FGF14: variants seen among roughly 807,000 people sequenced by gnomAD.
FGF14 encodes the protein fibroblast growth factor 14, also known as fibroblast growth factor homologous factor 4.
Under a neutral mutation model 25.5 loss-of-function variants are expected in FGF14, and 5 were observed. The observed-to-expected ratio is 0.20, with a 90% CI of 0.10 to 0.41. The LOEUF (loss-of-function observed/expected upper bound fraction) is 0.41, where lower values mean the gene tolerates loss of function less well. FGF14 is among the 10% of genes least tolerant of loss of function. The pLI, the probability that FGF14 is intolerant of heterozygous loss-of-function variation, is 1.00. For synonymous variants in FGF14, 138 were observed against 118.3 expected, an observed-to-expected ratio of 1.17 and a Z score of -1.08; for missense variants, 222 against 320.1, an observed-to-expected ratio of 0.69 and a Z score of 2.34.
intron 1 of FGF14, among the ~76,000 whole-genome samples, chr13:102,180,856 T>C (rs1475137496): frequency 1.3e-5 from 2 of 152,176 alleles, no homozygotes; most frequent in African/African-American, 2.4e-5. Context: ...TGGCAAACCT[T>C]GTTCACATTA....
chr13:101,820,185 T>C (rs1246647418), intron 3 of FGF14, among the ~76,000 whole-genome samples: 1 of 152,194 alleles, frequency 6.6e-6, no homozygotes, highest in Non-Finnish European at 1.5e-5. Context: ...GTTTCTGATG[T>C]TTGACAAAAC....
intron 2 of FGF14, among the ~76,000 whole-genome samples, chr13:101,871,896 C>G (rs2045112309): frequency 6.6e-6 from 1 of 152,032 alleles, no homozygotes; most frequent in South Asian, 2.1e-4. Flanking sequence ...CCATCATCCA[C>G]AATTTTTGTG....
intron 1 of FGF14, among the ~76,000 whole-genome samples, chr13:101,904,097 G>A (rs2031924789): frequency 6.6e-6 from 1 of 152,170 alleles, no homozygotes; most frequent in Non-Finnish European, 1.5e-5. Context: ...AAAGCTGAGA[G>A]GCATCTATCA....
chr13:102,162,499 C>T (rs1345979122), intron 1 of FGF14, among the ~76,000 whole-genome samples: 4 of 152,088 alleles, frequency 2.6e-5, no homozygotes, highest in African/African-American at 7.2e-5. Context: ...TCCAGGCTTA[C>T]AAATAGGCAC....
intron 1 of FGF14, among the ~76,000 whole-genome samples, chr13:101,989,435 T>C (rs1438120597): frequency 6.6e-6 from 1 of 152,130 alleles, no homozygotes; most frequent in African/African-American, 2.4e-5. Flanking sequence ...GTACATTTTG[T>C]TTCCTACATT....
chr13:102,204,316 C>G (rs1433606110), intron 1 of FGF14, among the ~76,000 whole-genome samples: 1 of 152,118 alleles, frequency 6.6e-6, no homozygotes, highest in African/African-American at 2.4e-5. Flanking sequence ...AACACACACA[C>G]ACACTCATAC....
intron 1 of FGF14, among the ~76,000 whole-genome samples, chr13:102,091,270 T>C (rs2044152588): frequency 6.6e-6 from 1 of 152,208 alleles, no homozygotes. Flanking sequence ...TGCTTTATGC[T>C]GCTGGGGCTG....
At chr13:102,115,024 G>A (rs1203293633) in intron 1 of FGF14, among the ~76,000 whole-genome samples, 3 of 152,160 alleles carry the variant, frequency 2.0e-5, no homozygotes, top group African/African-American at 7.2e-5. Flanking sequence ...TTAAAAGGCT[G>A]AATTGGACAG....
chr13:102,092,059 T>C (rs1049654861), intron 1 of FGF14, among the ~76,000 whole-genome samples: 4 of 152,186 alleles, frequency 2.6e-5, no homozygotes, highest in African/African-American at 9.7e-5. Context: ...GATGTGGGGA[T>C]GACACATTGG....
intron 1 of FGF14, among the ~76,000 whole-genome samples, chr13:102,157,929 ATCACT>A (rs1344652296): frequency 1.3e-5 from 2 of 152,252 alleles, no homozygotes; most frequent in Non-Finnish European, 2.9e-5. Flanking sequence ...AATGCTCATC[ATCACT>A]GGCCATCAGA....
intron 1 of FGF14, among the ~76,000 whole-genome samples, chr13:102,279,756 T>C (rs9585883): frequency 0.12 from 17,864 of 152,178 alleles, 1,454 homozygotes; most frequent in African/African-American, 0.22. Flanking sequence ...CAACACAGTC[T>C]AAAAGTCTAA....
intron 1 of FGF14, among the ~76,000 whole-genome samples, chr13:102,201,290 A>G (rs1430801692): frequency 2.6e-5 from 4 of 152,062 alleles, no homozygotes; most frequent in African/African-American, 9.7e-5. Context: ...CATGACAAGT[A>G]AAGACAACAT....
intron 1 of FGF14, among the ~76,000 whole-genome samples, chr13:102,129,015 G>A (rs2046069875): frequency 6.6e-6 from 1 of 151,972 alleles, no homozygotes; most frequent in Admixed American, 6.6e-5. Context: ...CCAGGGAGGT[G>A]GAAGTTGCAG....
chr13:102,386,057 C>T (rs529642455), intron 1 of FGF14, among the ~76,000 whole-genome samples: 1 of 151,872 alleles, frequency 6.6e-6, no homozygotes, highest in Non-Finnish European at 1.5e-5. Flanking sequence ...AGTACTAACT[C>T]TTATTATTTT....
At chr13:102,047,876 A>C (rs2042059161) in intron 1 of FGF14, among the ~76,000 whole-genome samples, 1 of 152,138 alleles carries the variant, frequency 6.6e-6, no homozygotes, top group Non-Finnish European at 1.5e-5. Context: ...TTAAAAAGGA[A>C]ATTTAAACCC....
chr13:102,393,012 T>C (rs2058470200), intron 1 of FGF14, among the ~76,000 whole-genome samples: 1 of 152,204 alleles, frequency 6.6e-6, no homozygotes, highest in Non-Finnish European at 1.5e-5. Flanking sequence ...TATTTCTCAG[T>C]TGTACTTGAT....
At chr13:101,776,795 T>A (rs2140003712) in intron 3 of FGF14, among the ~76,000 whole-genome samples, 1 of 152,328 alleles carries the variant, frequency 6.6e-6, no homozygotes, top group South Asian at 2.1e-4. Flanking sequence ...GGGTGGCTTC[T>A]AAACAACAGA....
intron 1 of FGF14, among the ~76,000 whole-genome samples, chr13:102,350,612 G>C (rs1301019208): frequency 6.6e-6 from 1 of 152,104 alleles, no homozygotes; most frequent in Non-Finnish European, 1.5e-5. Flanking sequence ...AGTCCTCTTT[G>C]TACTTGGCAA....
chr13:102,265,442 T>C (rs930403736), intron 1 of FGF14, among the ~76,000 whole-genome samples: 2 of 152,062 alleles, frequency 1.3e-5, no homozygotes, highest in Non-Finnish European at 2.9e-5. Context: ...CATCTGAATA[T>C]AATTCAAGCA....
Sources: gnomAD v4.1 joint callset for allele counts (sites outside exome capture counted in the v4.1 genomes callset) on GRCh38, gnomAD v4.1.1 for gene constraint, MANE v1.5 for transcripts, NCBI Gene and HGNC (gene_info 2026-07-23, HGNC 2026-07-21) for gene names.